SPAG16: variants seen among roughly 807,000 people sequenced by gnomAD.
SPAG16 encodes sperm associated antigen 16.
Under a neutral mutation model 80.4 loss-of-function variants are expected in SPAG16, and 86 were observed. That is an observed-to-expected ratio of 1.07 (90% CI 0.90 to 1.28). The LOEUF (loss-of-function observed/expected upper bound fraction) is 1.28. Ranked by LOEUF, SPAG16 falls within the 50% of genes most tolerant of loss-of-function variation. The pLI, the probability that SPAG16 is intolerant of heterozygous loss-of-function variation, is 0.00. For synonymous variants in SPAG16, 294 were observed against 265.9 expected (o/e 1.11, Z -1.03); for missense variants, 870 against 765.3 (o/e 1.14, Z -1.61).
intron 15 of SPAG16, chr2:214,281,095 A>G (rs899894324): frequency 1.0e-5 from 4 of 387,268 alleles, no homozygotes; most frequent in Non-Finnish European, 2.0e-5. Context: ...AGTCACCTCC[A>G]CTTGGCCTTC....
chr2:213,588,583 A>G (rs2060552793), intron 10 of SPAG16, among the ~76,000 whole-genome samples: 3 of 151,024 alleles, frequency 2.0e-5, no homozygotes, highest in Admixed American at 2.0e-4. Flanking sequence ...CGGGTGGATC[A>G]CGAGGTCAGG....
intron 10 of SPAG16, among the ~76,000 whole-genome samples, chr2:213,731,309 A>C (rs1033568884): frequency 6.6e-6 from 1 of 151,884 alleles, no homozygotes; most frequent in African/African-American, 2.4e-5. Flanking sequence ...GGCACCCACT[A>C]ACATGCCTGG....
intron 14 of SPAG16, among the ~76,000 whole-genome samples, chr2:214,127,975 T>C (rs1363648204): frequency 6.6e-6 from 1 of 151,892 alleles, no homozygotes. Context: ...CTTGATTAAA[T>C]GTATTAAAAA....
intron 12 of SPAG16, among the ~76,000 whole-genome samples, chr2:213,945,531 A>G (rs1348281787): frequency 6.6e-6 from 1 of 151,920 alleles, no homozygotes; most frequent in Non-Finnish European, 1.5e-5. Context: ...GCCAGTCTCG[A>G]CTTTTCATGT....
intron 10 of SPAG16, among the ~76,000 whole-genome samples, chr2:213,824,526 C>G (rs2073151063): frequency 6.6e-6 from 1 of 152,062 alleles, no homozygotes; most frequent in Non-Finnish European, 1.5e-5. Flanking sequence ...GTTCTTAGCA[C>G]TTGTTTTCAA....
At chr2:213,463,398 C>T (rs1057245637) in intron 9 of SPAG16, among the ~76,000 whole-genome samples, 1 of 152,246 alleles carries the variant, frequency 6.6e-6, no homozygotes, top group Non-Finnish European at 1.5e-5. Flanking sequence ...CAGGGCATGT[C>T]AGAGACAGTC....
chr2:213,302,017 T>A (rs1481210311), intron 3 of SPAG16, among the ~76,000 whole-genome samples: 4 of 152,192 alleles, frequency 2.6e-5, no homozygotes, highest in Non-Finnish European at 5.9e-5. Flanking sequence ...TCACTTCACC[T>A]AGCAGATTTC....
chr2:214,196,369 G>T (rs12617276), intron 15 of SPAG16, among the ~76,000 whole-genome samples: 45,379 of 151,980 alleles, frequency 0.3, 8,463 homozygotes, highest in Non-Finnish European at 0.41. Flanking sequence ...GGAACTTCAT[G>T]ATGTTTAGAT....
At chr2:213,469,744 G>T (rs759687683) in intron 9 of SPAG16, among the ~76,000 whole-genome samples, 1 of 151,962 alleles carries the variant, frequency 6.6e-6, no homozygotes. Context: ...TATATTCCAC[G>T]TATACTGTTC....
At chr2:213,706,475 A>C (rs1436071188) in intron 10 of SPAG16, among the ~76,000 whole-genome samples, 1 of 152,218 alleles carries the variant, frequency 6.6e-6, no homozygotes, top group African/African-American at 2.4e-5. Flanking sequence ...GTAAATGTAA[A>C]TGGAGCAATG....
intron 13 of SPAG16, among the ~76,000 whole-genome samples, chr2:214,099,383 TA>T (rs1442204789): frequency 6.6e-6 from 1 of 152,138 alleles, no homozygotes; most frequent in Non-Finnish European, 1.5e-5. Context: ...AAAATATTAC[TA>T]ATTTCCTATG....
intron 13 of SPAG16, among the ~76,000 whole-genome samples, chr2:214,094,872 C>A (rs77190346): frequency 0.15 from 23,157 of 151,882 alleles, 1,801 homozygotes; most frequent in East Asian, 0.17. Flanking sequence ...ACTTAAACTA[C>A]GTCCCAGGTG....
intron 11 of SPAG16, 108 bp downstream of exon 11, chr2:213,862,736 C>A: frequency 2.5e-6 from 3 of 1,187,608 alleles, no homozygotes; most frequent in Non-Finnish European, 2.4e-6. Context: ...TCTGCAACAA[C>A]ACACCCTGCA....
chr2:213,780,551 C>A, intron 10 of SPAG16, among the ~76,000 whole-genome samples: 1 of 146,768 alleles, frequency 6.8e-6, no homozygotes. Flanking sequence ...AAAGCAGGTC[C>A]AAACATTTTT....
chr2:213,862,692 T>A lies in SPAG16; in HGVS notation c.1214+64T>A, dbSNP rs145966447. On this transcript the variant is annotated intron_variant, in intron 11 of 15. Coordinates refer to ENST00000331683, the MANE Select transcript of SPAG16 (RefSeq NM_024532.5). Reference sequence around the variant, plus strand: ...TAGGAATGTGCTCCTTTACTCTGTCTGCTCACTCTGCTGTCTTTGATGATG... The same window carrying A: ...TAGGAATGTGCTCCTTTACTCTGTCAGCTCACTCTGCTGTCTTTGATGATG... 5.8e-6 allele frequency: 9 copies of A among 1,544,088 alleles called. No homozygotes were observed. In the East Asian group the frequency reaches 1.8e-4, roughly 31 times the overall value.
chr2:213,507,814 T>C (rs182939641), intron 10 of SPAG16, among the ~76,000 whole-genome samples: 38 of 152,370 alleles, frequency 2.5e-4, no homozygotes, highest in African/African-American at 8.9e-4. Flanking sequence ...TGCTCACCTG[T>C]GTGATTCTAG....
chr2:213,986,562 ATTG>A (rs2046013433), intron 12 of SPAG16, among the ~76,000 whole-genome samples: 1 of 152,042 alleles, frequency 6.6e-6, no homozygotes, highest in South Asian at 2.1e-4. Flanking sequence ...AAAATGTCTT[ATTG>A]TTAAACTTAT....
At chr2:213,980,689 A>G in intron 12 of SPAG16, among the ~76,000 whole-genome samples, 1 of 132,902 alleles carries the variant, frequency 7.5e-6, no homozygotes, top group African/African-American at 3.1e-5. Flanking sequence ...GTGTATATAT[A>G]GAATATATGT....
chr2:213,359,846 C>T (rs1226029747), intron 7 of SPAG16, among the ~76,000 whole-genome samples: 1 of 152,170 alleles, frequency 6.6e-6, no homozygotes, highest in Admixed American at 6.6e-5. Flanking sequence ...AATCTGTCTT[C>T]TGTGTTGATC....
Sources: gnomAD v4.1 joint callset for allele counts (sites outside exome capture counted in the v4.1 genomes callset) on GRCh38, gnomAD v4.1.1 for gene constraint, MANE v1.5 for transcripts, NCBI Gene and HGNC (gene_info 2026-07-23, HGNC 2026-07-21) for gene names.